Variants in NRXN1 observed in about 807,000 individuals in gnomAD.
NRXN1 encodes neurexin 1.
Under a neutral mutation model 150.9 loss-of-function variants are expected in NRXN1, and 39 were observed. That is an observed-to-expected ratio of 0.26 (90% CI 0.20 to 0.34). The LOEUF (loss-of-function observed/expected upper bound fraction) is 0.34. Ranked by LOEUF, NRXN1 falls within the 10% of genes least tolerant of loss-of-function variation. NRXN1 has a pLI of 1.00. For synonymous variants in NRXN1, 924 were observed against 757.0 expected (o/e 1.22, Z -3.62); for missense variants, 1,815 against 1,949.9 (o/e 0.93, Z 1.30).
Position 50,171,357 on chromosome 2 carries a change from C to A in NRXN1, c.3546+65432G>T, listed in dbSNP as rs74263878. Among the ~76,000 whole-genome samples the A allele has an allele frequency of 2.7e-3, 418 of 152,100 alleles. 9 individuals are homozygous for A. The East Asian group carries it at 0.049, about 18-fold the overall frequency. On this transcript the variant is annotated intron_variant, in intron 18 of 22. Coordinates refer to ENST00000401669, the MANE Select transcript of NRXN1 (RefSeq NM_001330078.2). ...CTTACTATTCAAATATTCATATTTT[C>A]TATTCTATTTCATATCAGTTCTAGA...
chr2:50,880,859 T>A (rs1679327927), intron 5 of NRXN1, among the ~76,000 whole-genome samples: 1 of 151,832 alleles, frequency 6.6e-6, no homozygotes, highest in Admixed American at 6.6e-5. Flanking sequence ...AATGGAACCA[T>A]CCAAAGGTTC....
intron 18 of NRXN1, among the ~76,000 whole-genome samples, chr2:50,105,944 T>C (rs1284434137): frequency 6.6e-6 from 1 of 151,902 alleles, no homozygotes; most frequent in African/African-American, 2.4e-5. Flanking sequence ...GTTGCTGATA[T>C]ATAAAATATG....
chr2:50,651,434 G>A (rs923786403), intron 5 of NRXN1, among the ~76,000 whole-genome samples: 4 of 151,848 alleles, frequency 2.6e-5, no homozygotes, highest in Admixed American at 2.0e-4. Flanking sequence ...GAAATATAGT[G>A]AGACCTCATC....
rs963965768 is a variant in NRXN1 at position 50,412,284 on chromosome 2, C to T, written c.3364+53158G>A. On this transcript the variant is annotated intron_variant, in intron 17 of 22. Transcript: ENST00000401669. ...TATGACCCTGCCAAATCCCCCTCTC[C>T]GAGAAACACCCAAGAATGATCAATA... 6.6e-5 allele frequency among the ~76,000 whole-genome samples: 10 copies of T among 150,792 alleles called. No individual in the cohort carries two copies. In the South Asian group the frequency reaches 1.1e-3, roughly 16 times the overall value.
chr2:50,904,828 G>A (rs756378822), intron 5 of NRXN1, among the ~76,000 whole-genome samples: 3 of 152,064 alleles, frequency 2.0e-5, no homozygotes, highest in African/African-American at 2.4e-5. Context: ...CTCCCTGGAT[G>A]TCTTCTTAGA....
At chr2:50,745,016 C>T (rs993142399) in intron 5 of NRXN1, among the ~76,000 whole-genome samples, 1 of 152,062 alleles carries the variant, frequency 6.6e-6, no homozygotes, top group Non-Finnish European at 1.5e-5. Context: ...AGCACATAGT[C>T]TCCAACTGAG....
intron 13 of NRXN1, among the ~76,000 whole-genome samples, chr2:50,498,589 G>A (rs1051898826): frequency 6.6e-6 from 1 of 152,022 alleles, no homozygotes; most frequent in Non-Finnish European, 1.5e-5. Flanking sequence ...CTCTATCCCT[G>A]CATATTTCCC....
intron 17 of NRXN1, among the ~76,000 whole-genome samples, chr2:50,394,871 C>G (rs13014624): frequency 0.23 from 34,760 of 151,782 alleles, 4,713 homozygotes; most frequent in East Asian, 0.43. Flanking sequence ...CCTCCAGTTA[C>G]CCAGGTCTTC....
At chr2:50,963,941 T>C (rs981695066) in intron 2 of NRXN1, 1 of 434,698 alleles carries the variant, frequency 2.3e-6, no homozygotes, top group Non-Finnish European at 4.6e-6. Context: ...ATCAGTCCAG[T>C]TTAATTTGAG....
At chr2:50,540,889 T>G (rs1324173377) in intron 9 of NRXN1, among the ~76,000 whole-genome samples, 1 of 152,172 alleles carries the variant, frequency 6.6e-6, no homozygotes, top group Non-Finnish European at 1.5e-5. Flanking sequence ...CTTGAATTCA[T>G]GGCCTCAAGT....
At chr2:49,991,056 AAAAAT>A (rs1332236905) in intron 21 of NRXN1, among the ~76,000 whole-genome samples, 8 of 152,334 alleles carry the variant, frequency 5.3e-5, no homozygotes, top group South Asian at 4.1e-4. Context: ...AAATTTGGAA[AAAAAT>A]AAAATAAATA....
intron 17 of NRXN1, among the ~76,000 whole-genome samples, chr2:50,349,059 C>T (rs1458660272): frequency 6.6e-6 from 1 of 152,114 alleles, no homozygotes; most frequent in Non-Finnish European, 1.5e-5. Context: ...AAGATTCAAC[C>T]ATGGGACTCT....
At chr2:50,839,848 G>T (rs993328794) in intron 5 of NRXN1, among the ~76,000 whole-genome samples, 4 of 152,066 alleles carry the variant, frequency 2.6e-5, no homozygotes, top group African/African-American at 7.2e-5. Flanking sequence ...AAAATAAGGC[G>T]GGGAGCAAAA....
chr2:50,916,613 A>G lies in NRXN1; in HGVS notation c.832+5256T>C, dbSNP rs1489536814. 5.3e-5 allele frequency among the ~76,000 whole-genome samples: 8 copies of G among 151,752 alleles called. No individual in the cohort carries two copies. The South Asian group carries it at 6.2e-4, about 12-fold the overall frequency. Reference sequence around the variant, plus strand: ...TGCTATTTGCAACATATTTCAGTAAAACGCATCTAAGTTTCTATTCATACC... The same window carrying G: ...TGCTATTTGCAACATATTTCAGTAAGACGCATCTAAGTTTCTATTCATACC... On this transcript the variant is annotated intron_variant, in intron 5 of 22. Transcript: ENST00000401669.
chr2:49,950,016 G>T (rs1432421042), intron 21 of NRXN1, among the ~76,000 whole-genome samples: 1 of 151,746 alleles, frequency 6.6e-6, no homozygotes, highest in Non-Finnish European at 1.5e-5. Context: ...ACAGGATTCA[G>T]GATTAGTATC....
At chr2:50,839,392 T>C (rs1672551027) in intron 5 of NRXN1, among the ~76,000 whole-genome samples, 1 of 152,162 alleles carries the variant, frequency 6.6e-6, no homozygotes, top group Non-Finnish European at 1.5e-5. Flanking sequence ...TACCATCAGT[T>C]ATTTTAGTTA....
In NRXN1 at chr2:50,760,612, C is replaced by T. The variant is rs148944132; in HGVS notation, c.833-136997G>A. ...TAGCCACTCTAACCACACCTTCTCT[C>T]ATTCCTATAACCAATCATTTTTAAA... is the stretch of plus-strand genomic sequence containing the variant. On this transcript the variant is annotated intron_variant, in intron 5 of 22. Transcript: ENST00000401669. Among the ~76,000 whole-genome samples the T allele has an allele frequency of 5.9e-3, 898 of 151,926 alleles. 5 individuals carry two copies. Among genetic ancestry groups the T allele is most frequent in the Middle Eastern group, 0.01 (3 of 294 alleles).
At chr2:50,676,057 T>C (rs1003179807) in intron 5 of NRXN1, among the ~76,000 whole-genome samples, 5 of 152,092 alleles carry the variant, frequency 3.3e-5, no homozygotes, top group Non-Finnish European at 1.5e-5. Flanking sequence ...TAGTGGTAGG[T>C]GTTTGGGTCA....
intron 21 of NRXN1, among the ~76,000 whole-genome samples, chr2:49,961,478 G>A (rs1261484838): frequency 6.6e-6 from 1 of 151,850 alleles, no homozygotes; most frequent in South Asian, 2.1e-4. Flanking sequence ...AAACAAATGA[G>A]AACACAATAA....
Sources: gnomAD v4.1 joint callset for allele counts (sites outside exome capture counted in the v4.1 genomes callset) on GRCh38, gnomAD v4.1.1 for gene constraint, MANE v1.5 for transcripts, NCBI Gene and HGNC (gene_info 2026-07-23, HGNC 2026-07-21) for gene names.